RTN1: variants seen among roughly 807,000 people sequenced by gnomAD.
The protein encoded by RTN1 is reticulon-1.
RTN1 carries 25 observed loss-of-function variants against 65.5 expected under a neutral mutation model. The ratio of observed to expected loss-of-function variants is 0.38; its 90% CI spans 0.28 to 0.53. The LOEUF (loss-of-function observed/expected upper bound fraction) is 0.53. Among genes scored for constraint, RTN1 ranks in the 20% least tolerant of loss-of-function variants. The probability of loss-of-function intolerance (pLI) is 0.79; values close to 1 mark genes in which losing one functional copy is unlikely to be tolerated. For missense variants in RTN1, 983 were observed against 1,025.4 expected, an observed-to-expected ratio of 0.96 and a Z score of 0.57; for synonymous variants, 471 against 447.6, an observed-to-expected ratio of 1.05 and a Z score of -0.66.
intron 1 of RTN1, among the ~76,000 whole-genome samples, chr14:59,865,159 T>C (rs1887776952): frequency 6.6e-6 from 1 of 152,134 alleles, no homozygotes; most frequent in Non-Finnish European, 1.5e-5. Flanking sequence ...TTTCTAAGGG[T>C]CTATGAATAT....
In RTN1 at chr14:59,749,603, C is replaced by A. The variant is rs1382669446; in HGVS notation, c.242-3122G>T. ...TATAGATATTTATATATATATCTAT[C>A]TATATATATTTATATAGATATCTAT... On this transcript the variant is annotated intron_variant, in intron 1 of 8. Coordinates refer to ENST00000267484, the MANE Select transcript of RTN1 (RefSeq NM_021136.3). 4.4e-4 allele frequency among the ~76,000 whole-genome samples: 18 copies of A among 40,700 alleles called. 3 individuals are homozygous for A. The highest frequency in any genetic ancestry group is 1.7e-3 in the Admixed American group (4 of 2,328). The allele number at this position is 40,700 out of a possible 152,430, so 26.7% of individuals were successfully genotyped here.
chr14:59,633,582 T>C lies in RTN1; in HGVS notation c.1766-26090A>G, dbSNP rs77323981. On this transcript the variant is annotated intron_variant, in intron 3 of 8. Coordinates refer to ENST00000267484, the MANE Select transcript of RTN1 (RefSeq NM_021136.3). ...AACGATAAAATGGGTAGAGAAGATATGTAAATTTTCCTTAAGTGGTGAAAG... is the reference window on the plus strand; with the variant it reads ...AACGATAAAATGGGTAGAGAAGATACGTAAATTTTCCTTAAGTGGTGAAAG... 9.1e-4 allele frequency among the ~76,000 whole-genome samples: 138 copies of C among 152,338 alleles called. 1 individual carries two copies. The highest frequency in any genetic ancestry group is 1.4e-3 in the Non-Finnish European group (95 of 68,038).
chr14:59,822,264 T>C (rs1436048101), intron 1 of RTN1, among the ~76,000 whole-genome samples: 1 of 152,212 alleles, frequency 6.6e-6, no homozygotes, highest in Admixed American at 6.5e-5. Context: ...CAGAAATTTA[T>C]CCATTTCTTC....
Position 59,774,303 on chromosome 14 carries a change from C to T in RTN1, c.242-27822G>A, listed in dbSNP as rs1282693051. ...ACATTCTGCATTCCATTTGTAAGAA[C>T]ATGGACTCGACTCTGAATTAAAGTG... is the stretch of plus-strand genomic sequence containing the variant. On this transcript the variant is annotated intron_variant, in intron 1 of 8. Coordinates refer to ENST00000267484, the MANE Select transcript of RTN1 (RefSeq NM_021136.3). The surrounding 1 kb of genome is among the most constrained non-coding windows in gnomAD (Gnocchi z 5.1). Among the ~76,000 whole-genome samples, 1 of 152,104 alleles carries T rather than the reference C, an allele frequency of 6.6e-6. No homozygotes were observed. The highest frequency in any genetic ancestry group is 1.9e-4 in the East Asian group (1 of 5,194).
intron 1 of RTN1, among the ~76,000 whole-genome samples, chr14:59,778,513 G>T (rs1185032379): frequency 1.3e-5 from 2 of 152,152 alleles, no homozygotes; most frequent in Non-Finnish European, 2.9e-5. Flanking sequence ...TTCATTGAGT[G>T]CTCACTGCAT....
chr14:59,761,810 C>T (rs1006829594), intron 1 of RTN1, among the ~76,000 whole-genome samples: 12 of 152,294 alleles, frequency 7.9e-5, no homozygotes, highest in African/African-American at 2.6e-4. Flanking sequence ...GGTCACAGAC[C>T]TGTGCCAGAG....
intron 1 of RTN1, among the ~76,000 whole-genome samples, chr14:59,783,601 C>T (rs761798016): frequency 3.3e-5 from 5 of 152,068 alleles, no homozygotes; most frequent in African/African-American, 4.8e-5. Flanking sequence ...TATTCCTTGT[C>T]GAGAGCAGTG....
rs1459005723 is a variant in RTN1, at chr14:59,819,414, ACCCCCCCCCCACCCCCCAC to A, written c.241+50957_241+50975del. ...TGATTGGTGCATCCACACCACCACC[ACCCCCCCCCCACCCCCCAC>A]CCCCCCCCCCCGGCCACAGCTAGAC... On this transcript the variant is annotated intron_variant, in intron 1 of 8. Coordinates refer to ENST00000267484, the MANE Select transcript of RTN1 (RefSeq NM_021136.3). Among the ~76,000 whole-genome samples the A allele has an allele frequency of 2.1e-3, 66 of 31,862 alleles. 7 individuals are homozygous for A. Among genetic ancestry groups the A allele is most frequent in the South Asian group, 9.8e-3 (7 of 714 alleles). 20.9% of individuals were successfully genotyped at this position (31,862 alleles called of 152,430 possible).
intron 4 of RTN1, chr14:59,605,798 A>G (rs1436673889): frequency 1.1e-5 from 3 of 273,838 alleles, no homozygotes; most frequent in Non-Finnish European, 2.0e-5. Flanking sequence ...GACCAGAGAA[A>G]AAAAATTAGT....
intron 1 of RTN1, among the ~76,000 whole-genome samples, chr14:59,844,625 A>G (rs1389391544): frequency 1.3e-5 from 2 of 152,204 alleles, no homozygotes; most frequent in African/African-American, 4.8e-5. Flanking sequence ...TAATAGTTAC[A>G]GAGTGAGTTC....
intron 1 of RTN1, among the ~76,000 whole-genome samples, chr14:59,811,076 ACT>A (rs1231280188): frequency 6.6e-6 from 1 of 152,040 alleles, no homozygotes; most frequent in African/African-American, 2.4e-5. Flanking sequence ...ATTGGCACAG[ACT>A]CTCTCACTTG....
intron 3 of RTN1, among the ~76,000 whole-genome samples, chr14:59,713,190 G>A (rs183399295): frequency 9.1e-4 from 138 of 152,228 alleles, no homozygotes; most frequent in Admixed American, 2.0e-3. Context: ...ATTGGCGCAC[G>A]ATTCTTTAAC....
At chr14:59,659,119 G>A (rs1016699582) in intron 3 of RTN1, among the ~76,000 whole-genome samples, 3 of 151,852 alleles carry the variant, frequency 2.0e-5, no homozygotes, top group Admixed American at 2.0e-4. Context: ...CTGATCAAGT[G>A]GAAGAAAGGA....
In RTN1 at chr14:59,803,006, A is replaced by AT. The variant is rs202120572; in HGVS notation, c.242-56526_242-56525insA. Among the ~76,000 whole-genome samples the AT allele has an allele frequency of 2.6e-4, 39 of 151,578 alleles. No individual in the cohort carries two copies. Among genetic ancestry groups the AT allele is most frequent in the Non-Finnish European group, 4.6e-4 (31 of 67,808 alleles). On this transcript the variant is annotated intron_variant, in intron 1 of 8. Transcript: ENST00000267484. The surrounding 1 kb of genome is among the most constrained non-coding windows in gnomAD (Gnocchi z 5.6). Reference sequence around the variant, plus strand: ...TCTCAGCTTTCACTGAAAAAAAAAAACCCTACACAACAATCCACCATCCTC... The same window carrying AT: ...TCTCAGCTTTCACTGAAAAAAAAAAATCCCTACACAACAATCCACCATCCTC...
chr14:59,625,650 C>G lies in RTN1; in HGVS notation c.1766-18158G>C, dbSNP rs1218260726. 2.0e-5 allele frequency among the ~76,000 whole-genome samples: 3 copies of G among 152,104 alleles called. No individual in the cohort carries two copies. In the South Asian group the frequency reaches 6.2e-4, roughly 32 times the overall value. On this transcript the variant is annotated intron_variant, in intron 3 of 8. Transcript: ENST00000267484. ...CTAGATAATATTCAGCAAATCTTAA[C>G]AACGATTAACTCTGGGTGGTAGGAT...
chr14:59,629,887 T>C (rs1882497703), intron 3 of RTN1, among the ~76,000 whole-genome samples: 1 of 152,234 alleles, frequency 6.6e-6, no homozygotes, highest in African/African-American at 2.4e-5. Context: ...TATTTCAAAG[T>C]GAACCATCCT....
At chr14:59,797,535 A>G (rs1886462182) in intron 1 of RTN1, among the ~76,000 whole-genome samples, 1 of 152,178 alleles carries the variant, frequency 6.6e-6, no homozygotes, top group Admixed American at 6.5e-5. Flanking sequence ...TATTTAGTAA[A>G]AAGAATACTC....
At chr14:59,714,607 C>G (rs1884495464) in intron 3 of RTN1, among the ~76,000 whole-genome samples, 1 of 152,162 alleles carries the variant, frequency 6.6e-6, no homozygotes, top group Admixed American at 6.5e-5. Flanking sequence ...CACTCACATT[C>G]TATTGGTAAG....
intron 1 of RTN1, among the ~76,000 whole-genome samples, chr14:59,852,075 T>C (rs1887518951): frequency 1.3e-5 from 2 of 152,154 alleles, no homozygotes; most frequent in Non-Finnish European, 2.9e-5. Context: ...ATTCTGGTAA[T>C]TCAAACATAA....
Sources: allele counts gnomAD v4.1 joint callset (sites outside exome capture counted in the v4.1 genomes callset), GRCh38; gene constraint gnomAD v4.1.1; non-coding constraint Gnocchi (gnomAD v3.1); transcripts MANE v1.5; gene names NCBI Gene and HGNC (gene_info 2026-07-23, HGNC 2026-07-21).